The following UBE2E2 variants were observed in gnomAD, a reference collection of about 807,000 sequenced individuals.
UBE2E2 encodes ubiquitin-conjugating enzyme E2 E2.
UBE2E2 carries 6 observed loss-of-function variants against 24.7 expected under a neutral mutation model. The observed-to-expected ratio is 0.24, with a 90% CI of 0.13 to 0.48. The LOEUF is 0.48. UBE2E2 is among the 20% of genes least tolerant of loss of function. The probability of loss-of-function intolerance (pLI) is 0.99; values close to 1 mark genes in which losing one functional copy is unlikely to be tolerated. For missense variants in UBE2E2, 169 were observed against 245.0 expected, an observed-to-expected ratio of 0.69 and a Z score of 2.07; for synonymous variants, 104 against 83.6, an observed-to-expected ratio of 1.24 and a Z score of -1.33.
chr3:23,255,136 G>GAGTGC (rs1321845020), intron 3 of UBE2E2, among the ~76,000 whole-genome samples: 1 of 144,622 alleles, frequency 6.9e-6, no homozygotes, highest in Non-Finnish European at 1.5e-5. Context: ...GCCCAGGCTG[G>GAGTGC]AGTGCAGTGG....
chr3:23,475,190 C>T (rs893700856), intron 3 of UBE2E2, among the ~76,000 whole-genome samples: 1 of 151,838 alleles, frequency 6.6e-6, no homozygotes, highest in Non-Finnish European at 1.5e-5. Flanking sequence ...GTAAGTGTTT[C>T]TCAGAACTCC....
At chr3:23,389,623 G>C (rs1272966263) in intron 3 of UBE2E2, 1 of 265,260 alleles carries the variant, frequency 3.8e-6, no homozygotes, top group African/African-American at 2.2e-5. Flanking sequence ...ACATCCTGGG[G>C]GGCTTTTGTC....
chr3:23,579,855 G>A (rs1696435998), intron 5 of UBE2E2, among the ~76,000 whole-genome samples: 1 of 152,198 alleles, frequency 6.6e-6, no homozygotes, highest in African/African-American at 2.4e-5. Context: ...ATGGGAGGAG[G>A]TCAAAATATC....
At chr3:23,397,205 T>C (rs1291881495) in intron 3 of UBE2E2, among the ~76,000 whole-genome samples, 1 of 152,214 alleles carries the variant, frequency 6.6e-6, no homozygotes, top group African/African-American at 2.4e-5. Flanking sequence ...TAAAGCATTT[T>C]CTCACTTTTT....
At chr3:23,267,591 A>G (rs1698086031) in intron 3 of UBE2E2, among the ~76,000 whole-genome samples, 1 of 151,984 alleles carries the variant, frequency 6.6e-6, no homozygotes, top group East Asian at 1.9e-4. Flanking sequence ...AGAGTCCAGG[A>G]CCAGATGGAT....
chr3:23,353,210 AAATT>A (rs1695818435), intron 3 of UBE2E2, among the ~76,000 whole-genome samples: 1 of 152,196 alleles, frequency 6.6e-6, no homozygotes, highest in Non-Finnish European at 1.5e-5. Context: ...AACTCTCAAT[AAATT>A]AGGTATTGAT....
At chr3:23,561,661 G>A (rs1415063112) in intron 5 of UBE2E2, among the ~76,000 whole-genome samples, 2 of 151,456 alleles carry the variant, frequency 1.3e-5, no homozygotes, top group South Asian at 2.1e-4. Context: ...ATTACCTTGG[G>A]CAGTGTGGCC....
intron 3 of UBE2E2, among the ~76,000 whole-genome samples, chr3:23,419,318 T>C (rs1249167986): frequency 6.6e-6 from 1 of 152,170 alleles, no homozygotes; most frequent in East Asian, 1.9e-4. Flanking sequence ...TAAGCTTTGC[T>C]GTCTCTGGCT....
chr3:23,472,610 C>A (rs1478245361), intron 3 of UBE2E2, among the ~76,000 whole-genome samples: 1 of 150,886 alleles, frequency 6.6e-6, no homozygotes, highest in Non-Finnish European at 1.5e-5. Flanking sequence ...TTAGACCTAG[C>A]AGATTAAATT....
chr3:23,233,889 CAG>C (rs535331092), intron 3 of UBE2E2, among the ~76,000 whole-genome samples: 25 of 152,176 alleles, frequency 1.6e-4, no homozygotes, highest in African/African-American at 5.1e-4. Flanking sequence ...TTATAATGGA[CAG>C]AGTGTTTGAA....
In UBE2E2 at chr3:23,382,278, T is replaced by G. The variant is rs567667222; in HGVS notation, c.228-117330T>G. ...CTCACCGCAGCCACCACCTATCGGGTTCAAGCGATTCTCCTGCCTCAGCCT... is the reference window on the plus strand; with the variant it reads ...CTCACCGCAGCCACCACCTATCGGGGTCAAGCGATTCTCCTGCCTCAGCCT... On this transcript the variant is annotated intron_variant, in intron 3 of 5. Transcript: ENST00000396703. 2.1e-5 allele frequency among the ~76,000 whole-genome samples: 3 copies of G among 142,246 alleles called. No homozygotes were observed. In the East Asian group the frequency reaches 6.3e-4, roughly 30 times the overall value. 93.3% of individuals were successfully genotyped at this position (142,246 alleles called of 152,430 possible).
intron 3 of UBE2E2, among the ~76,000 whole-genome samples, chr3:23,343,922 G>A (rs2125312483): frequency 6.6e-6 from 1 of 152,298 alleles, no homozygotes; most frequent in Admixed American, 6.5e-5. Flanking sequence ...TCCATTGTGT[G>A]ATTATATCAT....
intron 3 of UBE2E2, among the ~76,000 whole-genome samples, chr3:23,316,774 T>C (rs1380578190): frequency 6.6e-6 from 1 of 152,102 alleles, no homozygotes; most frequent in Non-Finnish European, 1.5e-5. Context: ...CCTTGGCTAC[T>C]GCTGCTGATC....
At chr3:23,297,887 A>G (rs1310507602) in intron 3 of UBE2E2, among the ~76,000 whole-genome samples, 1 of 151,998 alleles carries the variant, frequency 6.6e-6, no homozygotes, top group Non-Finnish European at 1.5e-5. Flanking sequence ...CAGTATGGCC[A>G]TTTTCACGAT....
intron 3 of UBE2E2, among the ~76,000 whole-genome samples, chr3:23,350,230 A>G (rs909834509): frequency 4.7e-4 from 71 of 152,224 alleles, no homozygotes; most frequent in African/African-American, 1.5e-3. Context: ...CCAAAAACCC[A>G]TCTGTACATC....
intron 3 of UBE2E2, among the ~76,000 whole-genome samples, chr3:23,350,713 C>A (rs935356403): frequency 3.3e-5 from 5 of 152,112 alleles, no homozygotes; most frequent in African/African-American, 7.2e-5. Context: ...ATGAACAAAG[C>A]CTCCAAGAAA....
intron 3 of UBE2E2, among the ~76,000 whole-genome samples, chr3:23,412,794 G>T (rs1697523240): frequency 6.6e-6 from 1 of 152,104 alleles, no homozygotes; most frequent in African/African-American, 2.4e-5. Context: ...TAAATCCTCA[G>T]GCCTCACCCC....
chr3:23,565,987 T>TA lies in UBE2E2; in HGVS notation c.509-23746dup, dbSNP rs900212938. ...GTCATTCATTTGTTGCTTTTGAACT[T>TA]AGAGAGATGGAAGCCACTACATATT... On this transcript the variant is annotated intron_variant, in intron 5 of 5. Coordinates refer to ENST00000396703, the MANE Select transcript of UBE2E2 (RefSeq NM_152653.4). Among the ~76,000 whole-genome samples the TA allele has an allele frequency of 5.3e-5, 8 of 152,296 alleles. No homozygotes were observed. The East Asian group carries it at 5.8e-4, about 11-fold the overall frequency.
intron 3 of UBE2E2, among the ~76,000 whole-genome samples, chr3:23,325,843 C>T (rs970875232): frequency 6.6e-6 from 1 of 152,142 alleles, no homozygotes; most frequent in Non-Finnish European, 1.5e-5. Context: ...CTTATCCTGG[C>T]AAAATTATCA....
Sources: gnomAD v4.1 joint callset for allele counts (sites outside exome capture counted in the v4.1 genomes callset) on GRCh38, gnomAD v4.1.1 for gene constraint, MANE v1.5 for transcripts, NCBI Gene and HGNC (gene_info 2026-07-23, HGNC 2026-07-21) for gene names.